Variants in PRKD1 observed in about 807,000 individuals in gnomAD.
PRKD1 encodes the protein serine/threonine-protein kinase D1.
A neutral mutation model predicts 95.9 loss-of-function variants in PRKD1; 63 were observed. That is an observed-to-expected ratio of 0.66 (90% CI 0.54 to 0.81). The LOEUF is 0.81. Among genes scored for constraint, PRKD1 ranks in the 30% least tolerant of loss-of-function variants. PRKD1 has a pLI of 0.00. For missense variants in PRKD1, 1,048 were observed against 1,165.3 expected, an observed-to-expected ratio of 0.90 and a Z score of 1.47; for synonymous variants, 425 against 423.1, an observed-to-expected ratio of 1.00 and a Z score of -0.05.
chr14:29,578,378 T>G lies in PRKD1; in HGVS notation c.2435-18A>C, dbSNP rs756057290. ...ATCAATGGCTGAAAAAAATTACCAGTAAAAATAGATGACAAATCTGTAACA... is the reference window on the plus strand; with the variant it reads ...ATCAATGGCTGAAAAAAATTACCAGGAAAAATAGATGACAAATCTGTAACA... On this transcript the variant is annotated intron_variant, in intron 16 of 17. Transcript: ENST00000331968. 30 of 1,547,386 alleles carry G rather than the reference T, an allele frequency of 1.9e-5. No homozygotes were observed. The highest frequency in any genetic ancestry group is 2.7e-5 in the Non-Finnish European group (30 of 1,127,732).
intron 2 of PRKD1, among the ~76,000 whole-genome samples, chr14:29,720,082 T>C (rs576576067): frequency 1.1e-4 from 17 of 152,202 alleles, no homozygotes; most frequent in Admixed American, 1.0e-3. Context: ...TTAATAAGCA[T>C]ACGCATCACA....
chr14:29,632,749 TC>T, intron 9 of PRKD1, 119 bp downstream of exon 9: 1 of 862,726 alleles, frequency 1.2e-6, no homozygotes, highest in East Asian at 2.5e-5. Flanking sequence ...AAAAAATAGT[TC>T]CTGGAGGAAG....
In PRKD1 at chr14:29,895,416, T is replaced by C. The variant is rs139875151; in HGVS notation, c.264+31833A>G. 1.4e-3 allele frequency among the ~76,000 whole-genome samples: 207 copies of C among 152,262 alleles called. No homozygotes were observed. The East Asian group carries it at 0.031, about 23-fold the overall frequency. On this transcript the variant is annotated intron_variant, in intron 1 of 17. Coordinates refer to ENST00000331968, the MANE Select transcript of PRKD1 (RefSeq NM_002742.3). ...ACTTTCATATAAGCCCCATCATCTC[T>C]TAATTAAATTCCTATAAGAAGCCCC... is the stretch of plus-strand genomic sequence containing the variant.
chr14:29,710,584 A>G (rs2139354307), intron 2 of PRKD1, among the ~76,000 whole-genome samples: 1 of 152,270 alleles, frequency 6.6e-6, no homozygotes, highest in East Asian at 1.9e-4. Context: ...CCAACAGAGC[A>G]GAGGAGACTT....
At chr14:29,806,195 G>A (rs908668737) in intron 1 of PRKD1, among the ~76,000 whole-genome samples, 7 of 152,158 alleles carry the variant, frequency 4.6e-5, no homozygotes, top group African/African-American at 7.2e-5. Context: ...TTATTCCTAC[G>A]TTAAATATGC....
At chr14:29,636,677 T>C (rs1323377564) in intron 6 of PRKD1, among the ~76,000 whole-genome samples, 183 bp from the exon 7 acceptor site, 1 of 152,164 alleles carries the variant, frequency 6.6e-6, no homozygotes, top group East Asian at 1.9e-4. Context: ...GTTTATTACA[T>C]AGGTAAACTT....
intron 1 of PRKD1, among the ~76,000 whole-genome samples, chr14:29,828,145 A>G: frequency 6.6e-6 from 1 of 152,204 alleles, no homozygotes; most frequent in South Asian, 2.1e-4. Context: ...ATCGCTATAA[A>G]GGAATACCTG....
At position 29,915,134 on chromosome 14, in the gene PRKD1, A is replaced by T. The variant is rs186194448; in HGVS notation, c.264+12115T>A. 2.6e-5 allele frequency among the ~76,000 whole-genome samples: 4 copies of T among 152,358 alleles called. No homozygotes were observed. The East Asian group carries it at 7.7e-4, about 29-fold the overall frequency. On this transcript the variant is annotated intron_variant, in intron 1 of 17. Coordinates refer to ENST00000331968, the MANE Select transcript of PRKD1 (RefSeq NM_002742.3). ...TACACTGATAAATGTAATTCTTTAC[A>T]TCTACTAATTTTGAACCACAATGAT...
At chr14:29,711,790 T>C (rs1885346407) in intron 2 of PRKD1, among the ~76,000 whole-genome samples, 1 of 152,144 alleles carries the variant, frequency 6.6e-6, no homozygotes, top group Non-Finnish European at 1.5e-5. Flanking sequence ...GCCTATCAAG[T>C]AAATCTATTT....
At chr14:29,802,537 T>C (rs1890077960) in intron 1 of PRKD1, among the ~76,000 whole-genome samples, 1 of 152,204 alleles carries the variant, frequency 6.6e-6, no homozygotes, top group African/African-American at 2.4e-5. Flanking sequence ...AGGAAGTTGC[T>C]AAATTTAAAA....
rs143729081 is a variant in PRKD1, at chr14:29,733,812, C to G, written c.265-8138G>C. 6.4e-3 allele frequency among the ~76,000 whole-genome samples: 967 copies of G among 152,030 alleles called. 3 individuals carry two copies. Among genetic ancestry groups the G allele is most frequent in the African/African-American group, 0.022 (907 of 41,450 alleles). On this transcript the variant is annotated intron_variant, in intron 1 of 17. Coordinates refer to ENST00000331968, the MANE Select transcript of PRKD1 (RefSeq NM_002742.3). The stretch of plus-strand genomic sequence containing the variant: ...ATTTGGTTGGGGACACAAAGCCTAA[C>G]CATATATACCCAGTAAACTTTTCAT...
At chr14:29,835,928 A>G (rs1267266045) in intron 1 of PRKD1, among the ~76,000 whole-genome samples, 1 of 152,124 alleles carries the variant, frequency 6.6e-6, no homozygotes, top group Non-Finnish European at 1.5e-5. Flanking sequence ...CTAGTCCAGG[A>G]CCCCTTTTCA....
At chr14:29,608,277 A>G (rs2139038980) in intron 13 of PRKD1, among the ~76,000 whole-genome samples, 1 of 152,302 alleles carries the variant, frequency 6.6e-6, no homozygotes, top group Admixed American at 6.5e-5. Flanking sequence ...TACAAATTAA[A>G]GAACAAAAGG....
At chr14:29,859,380 G>A (rs527848442) in intron 1 of PRKD1, among the ~76,000 whole-genome samples, 23 of 152,010 alleles carry the variant, frequency 1.5e-4, no homozygotes, top group South Asian at 6.3e-4. Flanking sequence ...AGGCTGAGGC[G>A]GGTGGATCAC....
chr14:29,647,318 G>T (rs1035297924), intron 4 of PRKD1, among the ~76,000 whole-genome samples: 2 of 152,092 alleles, frequency 1.3e-5, no homozygotes, highest in Non-Finnish European at 2.9e-5. Flanking sequence ...AAGGGTAAAG[G>T]AACCGTGATA....
At chr14:29,717,462 T>C (rs1436532528) in intron 2 of PRKD1, among the ~76,000 whole-genome samples, 2 of 152,048 alleles carry the variant, frequency 1.3e-5, no homozygotes, top group Non-Finnish European at 2.9e-5. Flanking sequence ...ATATAAGAAA[T>C]AAATGACAAC....
intron 1 of PRKD1, among the ~76,000 whole-genome samples, chr14:29,796,924 TTTG>T (rs1251470539): frequency 7.9e-5 from 12 of 152,314 alleles, no homozygotes; most frequent in East Asian, 3.9e-4. Context: ...TGTAAGAGTT[TTTG>T]TTGTTATTTG....
At chr14:29,714,874 C>A (rs566203660) in intron 2 of PRKD1, among the ~76,000 whole-genome samples, 109 of 152,156 alleles carry the variant, frequency 7.2e-4, no homozygotes, top group African/African-American at 2.3e-3. Context: ...AATCAAACAC[C>A]GCATGTTCTC....
intron 1 of PRKD1, among the ~76,000 whole-genome samples, chr14:29,879,928 C>T (rs1172828146): frequency 4.6e-5 from 7 of 152,156 alleles, no homozygotes; most frequent in Admixed American, 3.9e-4. Flanking sequence ...AGTTTCTAAA[C>T]AGCAAAGCAT....
Sources: allele counts gnomAD v4.1 joint callset (sites outside exome capture counted in the v4.1 genomes callset), GRCh38; gene constraint gnomAD v4.1.1; transcripts MANE v1.5; gene names NCBI Gene and HGNC (gene_info 2026-07-23, HGNC 2026-07-21).